The following TBC1D32 variants were observed in gnomAD, a reference collection of about 807,000 sequenced individuals.
TBC1D32 encodes the protein TBC1 domain family member 32.
A neutral mutation model predicts 170.3 loss-of-function variants in TBC1D32; 151 were observed. The observed-to-expected ratio is 0.89, with a 90% confidence interval of 0.78 to 1.01. The LOEUF is 1.01. Among genes scored for constraint, TBC1D32 ranks in the 50% least tolerant of loss-of-function variants. The pLI, the probability that TBC1D32 is intolerant of heterozygous loss-of-function variation, is 0.00. For synonymous variants in TBC1D32, 498 were observed against 488.0 expected, an observed-to-expected ratio of 1.02 and a Z score of -0.27; for missense variants, 1,464 against 1,457.1, an observed-to-expected ratio of 1.00 and a Z score of -0.08.
intron 4 of TBC1D32, among the ~76,000 whole-genome samples, chr6:121,309,534 A>G (rs1807850266): frequency 6.6e-6 from 1 of 152,176 alleles, no homozygotes; most frequent in African/African-American, 2.4e-5. Context: ...TAGTTTGAGA[A>G]AAATAATTTT....
chr6:121,314,564 C>A (rs1159694098), intron 3 of TBC1D32, among the ~76,000 whole-genome samples: 1 of 152,106 alleles, frequency 6.6e-6, no homozygotes, highest in Non-Finnish European at 1.5e-5. Flanking sequence ...CCTAAACTCA[C>A]CTGCATAAGG....
intron 8 of TBC1D32, 120 bp from the exon 9 acceptor site, chr6:121,303,881 G>T: frequency 1.6e-6 from 1 of 610,594 alleles, no homozygotes; most frequent in Non-Finnish European, 2.5e-6. Context: ...TTCAGTAAAT[G>T]ACAGGTAGGA....
chr6:121,235,755 G>A (rs771033913), intron 20 of TBC1D32, among the ~76,000 whole-genome samples: 1 of 152,154 alleles, frequency 6.6e-6, no homozygotes, highest in African/African-American at 2.4e-5. Flanking sequence ...TCCTTCAAAG[G>A]TTCTGTGGAT....
In TBC1D32 at chr6:121,334,142, C is replaced by T. The variant is rs897377658; in HGVS notation, c.155+134G>A. The T allele has an allele frequency of 1.6e-5, 11 of 695,016 alleles. No individual in the cohort carries two copies. The Admixed American group carries it at 3.1e-4, about 20-fold the overall frequency. The allele number at this position is 695,016 out of a possible 1,614,324, so 43.1% of individuals were successfully genotyped here. ...ATGTTAAATAAATTCGACGTTTTGG[C>T]AAATAAGAGAAAAAGTAAACCTCCA... On this transcript the variant is annotated intron_variant, in intron 1 of 31. Coordinates refer to ENST00000398212, the MANE Select transcript of TBC1D32 (RefSeq NM_152730.6).
intron 15 of TBC1D32, among the ~76,000 whole-genome samples, chr6:121,261,327 C>T (rs1400356082): frequency 6.6e-6 from 1 of 152,182 alleles, no homozygotes; most frequent in East Asian, 1.9e-4. Flanking sequence ...GGGTGAGACA[C>T]CCCAAAAGGG....
At chr6:121,083,290 C>A (rs1421958013) in intron 31 of TBC1D32, among the ~76,000 whole-genome samples, 1 of 151,890 alleles carries the variant, frequency 6.6e-6, no homozygotes, top group Non-Finnish European at 1.5e-5. Context: ...AGTATTTGCT[C>A]AAGAAATTTT....
intron 10 of TBC1D32, among the ~76,000 whole-genome samples, chr6:121,296,783 C>T (rs1466481017): frequency 1.3e-5 from 2 of 152,080 alleles, no homozygotes; most frequent in Non-Finnish European, 2.9e-5. Context: ...ACAACTGACA[C>T]TTTAGGAAAC....
chr6:121,104,998 T>TA (rs1328979731), intron 30 of TBC1D32, among the ~76,000 whole-genome samples: 19 of 151,978 alleles, frequency 1.3e-4, no homozygotes, highest in African/African-American at 4.3e-4. Context: ...GGCTTATTCT[T>TA]ACTCAACATT....
chr6:121,183,340 G>A (rs974839654), intron 22 of TBC1D32, among the ~76,000 whole-genome samples: 1 of 152,034 alleles, frequency 6.6e-6, no homozygotes, highest in Non-Finnish European at 1.5e-5. Context: ...TAGTACCCTT[G>A]AGGATACGGG....
At chr6:121,216,792 G>A (rs1793882897) in intron 21 of TBC1D32, among the ~76,000 whole-genome samples, 2 of 152,132 alleles carry the variant, frequency 1.3e-5, no homozygotes, top group South Asian at 2.1e-4. Context: ...AGAAGATACT[G>A]AGCCTCAAAT....
chr6:121,126,674 T>C (rs1282870526), intron 25 of TBC1D32, among the ~76,000 whole-genome samples: 1 of 151,988 alleles, frequency 6.6e-6, no homozygotes, highest in Non-Finnish European at 1.5e-5. Flanking sequence ...CTAGTCAATA[T>C]AAAACTGAAA....
chr6:121,301,441 A>C (rs1285888934), intron 9 of TBC1D32, among the ~76,000 whole-genome samples: 1 of 152,180 alleles, frequency 6.6e-6, no homozygotes, highest in Admixed American at 6.5e-5. Flanking sequence ...AGAAGAACAG[A>C]AAACCAAACA....
chr6:121,139,632 G>GA (rs571614631), intron 24 of TBC1D32: 4 of 152,034 alleles, frequency 2.6e-5, no homozygotes, highest in African/African-American at 7.2e-5. Context: ...TTGTTCTAGT[G>GA]AAAAAAATAG....
intron 31 of TBC1D32, among the ~76,000 whole-genome samples, chr6:121,085,048 G>C (rs1776037595): frequency 6.6e-6 from 1 of 151,182 alleles, no homozygotes; most frequent in Non-Finnish European, 1.5e-5. Flanking sequence ...TACCACAAAA[G>C]GTACAGAACT....
intron 22 of TBC1D32, among the ~76,000 whole-genome samples, chr6:121,190,710 A>C (rs1789887844): frequency 6.6e-6 from 1 of 152,244 alleles, no homozygotes; most frequent in African/African-American, 2.4e-5. Flanking sequence ...CTCTGGTCTT[A>C]ATTACTATAA....
Position 121,283,702 on chromosome 6 carries a change from T to C in TBC1D32, c.1465+116A>G, listed in dbSNP as rs144183912. Reference sequence around the variant, plus strand: ...CAATGTAATTTCTCTTAATACTGTATCTTAATGAAACCTACTTACCAAAGT... The same window carrying C: ...CAATGTAATTTCTCTTAATACTGTACCTTAATGAAACCTACTTACCAAAGT... On this transcript the variant is annotated intron_variant, in intron 13 of 31. Transcript: ENST00000398212. 1.7e-5 allele frequency: 12 copies of C among 693,294 alleles called. No individual in the cohort carries two copies. The East Asian group carries it at 3.3e-4, about 19-fold the overall frequency. 42.9% of individuals were successfully genotyped at this position (693,294 alleles called of 1,614,324 possible). A position where few individuals can be genotyped will look rare whatever the true frequency, so the allele number is the denominator to read the frequency against.
At chr6:121,184,778 C>T (rs1410522833) in intron 22 of TBC1D32, among the ~76,000 whole-genome samples, 1 of 151,572 alleles carries the variant, frequency 6.6e-6, no homozygotes, top group Non-Finnish European at 1.5e-5. Flanking sequence ...TGTTAAATAA[C>T]TATTCTTATT....
intron 5 of TBC1D32, among the ~76,000 whole-genome samples, chr6:121,305,654 A>G (rs1030937208): frequency 4.6e-5 from 7 of 152,072 alleles, no homozygotes; most frequent in Non-Finnish European, 1.0e-4. Context: ...TGAACAAAGG[A>G]TATTAAATAC....
At chr6:121,284,125 T>C (rs1803438412) in intron 12 of TBC1D32, among the ~76,000 whole-genome samples, 3 of 152,046 alleles carry the variant, frequency 2.0e-5, no homozygotes, top group Non-Finnish European at 2.9e-5. Flanking sequence ...AGGTGCTATG[T>C]AAAGGTACAG....
Sources: gnomAD v4.1 joint callset for allele counts (sites outside exome capture counted in the v4.1 genomes callset) on GRCh38, gnomAD v4.1.1 for gene constraint, MANE v1.5 for transcripts, NCBI Gene and HGNC (gene_info 2026-07-23, HGNC 2026-07-21) for gene names.